ADGRL2: variants seen among roughly 807,000 people sequenced by gnomAD.
The protein encoded by ADGRL2 is calcium-independent alpha-latrotoxin receptor 2.
In ADGRL2, 44 loss-of-function variants were observed where a neutral mutation model predicts 157.4. The observed-to-expected ratio is 0.28, with a 90% CI of 0.22 to 0.36. ADGRL2 has a LOEUF of 0.36. Ranked by LOEUF, ADGRL2 falls within the 10% of genes least tolerant of loss-of-function variation. The pLI is 1.00. For missense variants in ADGRL2, 1,510 were observed against 1,768.9 expected (o/e 0.85, Z 2.63); for synonymous variants, 585 against 624.7 (o/e 0.94, Z 0.95).
intron 1 of ADGRL2, among the ~76,000 whole-genome samples, chr1:81,802,246 C>T (rs914576143): frequency 2.0e-5 from 3 of 152,094 alleles, no homozygotes; most frequent in Admixed American, 1.3e-4. Context: ...GCCGCAGGAG[C>T]GAACAATGTG....
intron 1 of ADGRL2, among the ~76,000 whole-genome samples, chr1:81,815,369 G>A (rs913006690): frequency 2.6e-4 from 39 of 151,768 alleles, no homozygotes; most frequent in African/African-American, 8.7e-4. Context: ...TTATCTCTTA[G>A]TAGTAGTTAG....
At chr1:81,810,399 T>C (rs912194919) in intron 1 of ADGRL2, among the ~76,000 whole-genome samples, 2 of 73,182 alleles carry the variant, frequency 2.7e-5, no homozygotes, top group Non-Finnish European at 5.4e-5. Flanking sequence ...TGTGGAATTA[T>C]TACTCCTTTA....
chr1:81,984,671 CA>C lies in ADGRL2; in HGVS notation c.3373del (p.Thr1125ProfsTer16), dbSNP rs776365563. 2 of 1,612,946 alleles carry C rather than the reference CA, an allele frequency of 1.2e-6. No individual in the cohort carries two copies. The highest frequency in any genetic ancestry group is 3.3e-5 in the Admixed American group (2 of 59,914). Reference sequence around the variant, plus strand: ...AGTCCCCACAGTTCAGTGAAGGCATCAACCACCAGAACCAGTGCTCGCTATT... The same window carrying C: ...AGTCCCCACAGTTCAGTGAAGGCATCACCACCAGAACCAGTGCTCGCTATT... ...TESPHSSVKA[S>X]TTRTSARYSS... On this transcript the variant is annotated frameshift_variant, in exon 20 of 24. Coordinates refer to ENST00000686636, the MANE Select transcript of ADGRL2 (RefSeq NM_001366006.2). LOFTEE classifies it high-confidence loss of function.
chr1:81,917,875 T>G (rs2094895042), intron 3 of ADGRL2, among the ~76,000 whole-genome samples: 1 of 152,196 alleles, frequency 6.6e-6, no homozygotes, highest in Admixed American at 6.6e-5. Flanking sequence ...GTAATGAATC[T>G]TAAAACATCA....
intron 2 of ADGRL2, among the ~76,000 whole-genome samples, chr1:81,486,846 T>C: frequency 6.6e-6 from 1 of 152,168 alleles, no homozygotes; most frequent in East Asian, 1.9e-4. Context: ...GGTAAAAAAA[T>C]AAACAAAGTG....
chr1:81,530,327 C>T (rs1440386036), intron 2 of ADGRL2, among the ~76,000 whole-genome samples: 1 of 152,036 alleles, frequency 6.6e-6, no homozygotes, highest in Non-Finnish European at 1.5e-5. Flanking sequence ...CAAAAGTATT[C>T]CTGTGATTTT....
chr1:81,925,552 C>T (rs1207626014), intron 3 of ADGRL2, among the ~76,000 whole-genome samples: 2 of 131,542 alleles, frequency 1.5e-5, no homozygotes, highest in Non-Finnish European at 3.4e-5. Flanking sequence ...TTTCTTCCCT[C>T]TTGATTAAAA....
At chr1:81,707,532 G>C (rs771809648) in intron 1 of ADGRL2, among the ~76,000 whole-genome samples, 1 of 152,146 alleles carries the variant, frequency 6.6e-6, no homozygotes, top group African/African-American at 2.4e-5. Context: ...TATCCATGTA[G>C]CAAATTCAGT....
chr1:81,954,090 G>C (rs1449702909), intron 10 of ADGRL2, among the ~76,000 whole-genome samples: 1 of 152,096 alleles, frequency 6.6e-6, no homozygotes, highest in Non-Finnish European at 1.5e-5. Flanking sequence ...AGAAATAACT[G>C]CTGAAATCTA....
chr1:81,792,667 C>T (rs1023529671), intron 2 of ADGRL2, among the ~76,000 whole-genome samples: 5 of 152,058 alleles, frequency 3.3e-5, no homozygotes, highest in African/African-American at 4.8e-5. Flanking sequence ...TTCTCATGTG[C>T]TTATTTTCTA....
In ADGRL2 at chr1:81,468,387, C is replaced by T. The variant is rs1159775404; in HGVS notation, c.-248+23298C>T. ...ACTTGAAACTTTAATCCTGTTTGGC[C>T]TCAAAGCAAAGGCAGATAATTCAGA... On this transcript the variant is annotated intron_variant, in intron 2 of 24. Coordinates refer to the ADGRL2 transcript ENST00000370721. Among the ~76,000 whole-genome samples, 5 of 152,018 alleles carry T rather than the reference C, an allele frequency of 3.3e-5. No individual in the cohort carries two copies. In the South Asian group the frequency reaches 1.0e-3, roughly 32 times the overall value.
intron 2 of ADGRL2, among the ~76,000 whole-genome samples, chr1:81,517,369 T>C (rs2079202362): frequency 6.8e-6 from 1 of 146,314 alleles, no homozygotes; most frequent in Admixed American, 7.1e-5. Context: ...TACTTCTTGG[T>C]AGGCTGAGGT....
intron 2 of ADGRL2, among the ~76,000 whole-genome samples, chr1:81,574,107 C>A (rs2148508787): frequency 6.6e-6 from 1 of 151,414 alleles, no homozygotes; most frequent in African/African-American, 2.4e-5. Context: ...AAACAGACAC[C>A]TAAAAATGAA....
At chr1:81,944,487 G>A (rs1484892935) in intron 6 of ADGRL2, among the ~76,000 whole-genome samples, 1 of 152,134 alleles carries the variant, frequency 6.6e-6, no homozygotes, top group Non-Finnish European at 1.5e-5. Context: ...TTTATTAAGT[G>A]AGTTCAGTTT....
At chr1:81,403,946 C>T (rs1214716215) in intron 1 of ADGRL2, among the ~76,000 whole-genome samples, 2 of 151,894 alleles carry the variant, frequency 1.3e-5, no homozygotes, top group African/African-American at 2.4e-5. Flanking sequence ...TACAGGTGCG[C>T]ACCACCACAC....
intron 2 of ADGRL2, among the ~76,000 whole-genome samples, chr1:81,553,469 G>C (rs1157974871): frequency 3.3e-5 from 5 of 152,112 alleles, no homozygotes; most frequent in African/African-American, 1.2e-4. Context: ...TAAATAGAAG[G>C]GGTGATTCAA....
At chr1:81,441,501 TTTTG>T (rs547903178) in intron 1 of ADGRL2, among the ~76,000 whole-genome samples, 125 of 152,206 alleles carry the variant, frequency 8.2e-4, no homozygotes, top group Non-Finnish European at 1.2e-3. Flanking sequence ...AATATTCAAT[TTTTG>T]TTTGTTTGTT....
chr1:81,763,499 C>CA (rs1209490880), intron 2 of ADGRL2, among the ~76,000 whole-genome samples: 1 of 148,056 alleles, frequency 6.8e-6, no homozygotes, highest in Non-Finnish European at 1.5e-5. Context: ...TGAGGCAAGA[C>CA]AATCGTTTGA....
At chr1:81,425,823 C>T (rs1363869995) in intron 1 of ADGRL2, among the ~76,000 whole-genome samples, 1 of 151,878 alleles carries the variant, frequency 6.6e-6, no homozygotes, top group Non-Finnish European at 1.5e-5. Context: ...TGGCTGACAA[C>T]CATATAACAA....
Sources: allele counts gnomAD v4.1 joint callset (sites outside exome capture counted in the v4.1 genomes callset), GRCh38; gene constraint gnomAD v4.1.1; transcripts MANE v1.5; gene names NCBI Gene and HGNC (gene_info 2026-07-23, HGNC 2026-07-21).